Variants in KTN1 observed in about 807,000 individuals in gnomAD.
KTN1 encodes kinectin.
In KTN1, 130 loss-of-function variants were observed where a neutral mutation model predicts 222.5. The ratio of observed to expected loss-of-function variants is 0.58; its 90% CI spans 0.51 to 0.68. KTN1 has a LOEUF of 0.68. KTN1 is among the 30% of genes least tolerant of loss of function. KTN1 has a pLI of 0.00. For missense variants in KTN1, 1,508 were observed against 1,500.4 expected (o/e 1.01, Z -0.08); for synonymous variants, 512 against 496.3 (o/e 1.03, Z -0.42).
chr14:55,606,852 G>C (rs918517833), intron 1 of KTN1, among the ~76,000 whole-genome samples: 1 of 151,952 alleles, frequency 6.6e-6, no homozygotes, highest in African/African-American at 2.4e-5. Context: ...TCATTTTTTA[G>C]GTATCATCTA....
At chr14:55,636,805 T>C (rs1566765412) in intron 10 of KTN1, among the ~76,000 whole-genome samples, 1 of 152,054 alleles carries the variant, frequency 6.6e-6, no homozygotes, top group Non-Finnish European at 1.5e-5. Context: ...GTTTCTTTTC[T>C]GTAGTTATTC....
chr14:55,651,818 T>C (rs2042954774), intron 24 of KTN1, 72 bp from the exon 25 acceptor site: 2 of 979,770 alleles, frequency 2.0e-6, no homozygotes, highest in South Asian at 2.9e-5. Context: ...GTACACATTA[T>C]AAAGACTTAT....
Position 55,657,124 on chromosome 14 carries a change from A to C in KTN1, c.2892+992A>C, listed in dbSNP as rs1289863338. Among the ~76,000 whole-genome samples, 3 of 152,252 alleles carry C rather than the reference A, an allele frequency of 2.0e-5. No individual in the cohort carries two copies. The East Asian group carries it at 5.8e-4, about 29-fold the overall frequency. On this transcript the variant is annotated intron_variant, in intron 29 of 43. Coordinates refer to ENST00000395314, the MANE Select transcript of KTN1 (RefSeq NM_001079521.2). Reference sequence around the variant, plus strand: ...GTCTACCACATTCCTTCTCCCTCTCATGTAGGTTCATTTTAAATTTTGTTA... The same window carrying C: ...GTCTACCACATTCCTTCTCCCTCTCCTGTAGGTTCATTTTAAATTTTGTTA...
rs138543724 is a variant in KTN1, at chr14:55,621,255, A to G, written c.963+1943A>G. ...ATTCAGCAAGTCTCTAGGAAGTTCT[A>G]AACTTTCCCACATCTTCCTGTCTTC... On this transcript the variant is annotated intron_variant, in intron 5 of 43. Coordinates refer to ENST00000395314, the MANE Select transcript of KTN1 (RefSeq NM_001079521.2). 4.3e-3 allele frequency among the ~76,000 whole-genome samples: 647 copies of G among 152,038 alleles called. 2 individuals carry two copies. Among genetic ancestry groups the G allele is most frequent in the Middle Eastern group, 0.017 (5 of 294 alleles).
chr14:55,616,447 C>T (rs2038401388), intron 2 of KTN1, 70 bp from the exon 3 acceptor site: 1 of 1,335,972 alleles, frequency 7.5e-7, no homozygotes, highest in African/African-American at 1.5e-5. Flanking sequence ...GGGAATTACT[C>T]AGTGATTGCA....
At position 55,638,127 on chromosome 14, in the gene KTN1, T is replaced by G. The variant is rs566907521; in HGVS notation, c.1785+280T>G. On this transcript the variant is annotated intron_variant, in intron 12 of 43. Coordinates refer to ENST00000395314, the MANE Select transcript of KTN1 (RefSeq NM_001079521.2). ...CCTGTCACAAAACAAGGAGAGAGAATTGGCCAAATCCTATCTAGAATAGTG... is the reference window on the plus strand; with the variant it reads ...CCTGTCACAAAACAAGGAGAGAGAAGTGGCCAAATCCTATCTAGAATAGTG... Among the ~76,000 whole-genome samples, 5 of 152,078 alleles carry G rather than the reference T, an allele frequency of 3.3e-5. No individual in the cohort carries two copies. The East Asian group carries it at 9.6e-4, about 29-fold the overall frequency.
chr14:55,631,689 G>A (rs920181570), intron 7 of KTN1, among the ~76,000 whole-genome samples: 4 of 152,016 alleles, frequency 2.6e-5, no homozygotes, highest in Non-Finnish European at 4.4e-5. Flanking sequence ...GCTGAGGTGG[G>A]AGGCTTGAGC....
At chr14:55,649,997 AAAAAAAAAAAC>A (rs1283426428) in intron 22 of KTN1, among the ~76,000 whole-genome samples, 184 bp downstream of exon 22, 1 of 150,496 alleles carries the variant, frequency 6.6e-6, no homozygotes, top group Admixed American at 6.6e-5. Flanking sequence ...GTATAATTAA[AAAAAAAAAAAC>A]AAAAAAAAAC....
At chr14:55,616,058 T>C (rs1241107307) in intron 2 of KTN1, among the ~76,000 whole-genome samples, 1 of 151,758 alleles carries the variant, frequency 6.6e-6, no homozygotes, top group Non-Finnish European at 1.5e-5. Context: ...ACTACAGGTG[T>C]GCGCCACCAC....
At chr14:55,634,204 A>G (rs531283918) in intron 8 of KTN1, among the ~76,000 whole-genome samples, 59 of 152,264 alleles carry the variant, frequency 3.9e-4, no homozygotes, top group Non-Finnish European at 7.1e-4. Context: ...AGTACCTTAG[A>G]GAGACTAGTA....
intron 2 of KTN1, among the ~76,000 whole-genome samples, 165 bp from the exon 3 acceptor site, chr14:55,616,352 G>A (rs965760092): frequency 6.6e-6 from 1 of 152,158 alleles, no homozygotes; most frequent in African/African-American, 2.4e-5. Context: ...TTGAAGAGCT[G>A]GTGTAGTGGA....
chr14:55,646,927 T>C, intron 18 of KTN1, 46 bp from the exon 19 acceptor site: 1 of 1,217,220 alleles, frequency 8.2e-7, no homozygotes, highest in Non-Finnish European at 1.2e-6. Context: ...TTTTACTTCA[T>C]GCAAATTTGG....
rs773039190 is a variant in KTN1 at position 55,637,356 on chromosome 14, C to T, written c.1708C>T (p.Gln570Ter). The T allele has an allele frequency of 6.5e-7, 1 of 1,543,384 alleles. No homozygotes were observed. The highest frequency in any genetic ancestry group is 8.7e-7 in the Non-Finnish European group (1 of 1,147,736). Residue 570 changes from glutamine to a stop codon, truncating the protein, a stop_gained, in exon 11 of 44, where the codon CAG becomes TAG. Coordinates refer to ENST00000395314, the MANE Select transcript of KTN1 (RefSeq NM_001079521.2). LOFTEE classifies it high-confidence loss of function. The stretch of plus-strand genomic sequence containing the variant: ...GAACAAAGAAGAGTCTCTACAAATG[C>T]AGGTTCAGGTATTTTTTCTTCTTTT... Reference protein sequence around the residue: ...RVNKEESLQMQVQDILEQNEA... With the variant: ...RVNKEESLQM
At chr14:55,592,187 C>T (rs77599953) in intron 1 of KTN1, among the ~76,000 whole-genome samples, 11,685 of 152,200 alleles carry the variant, frequency 0.077, 497 homozygotes, top group South Asian at 0.12. Flanking sequence ...CTCTACCTCA[C>T]GGTTATGAAG....
At chr14:55,678,785 A>G (rs1310018776) in intron 42 of KTN1, 3 of 252,278 alleles carry the variant, frequency 1.2e-5, no homozygotes, top group African/African-American at 6.7e-5. Context: ...CAGTGGCAGC[A>G]TTAGATTCTC....
chr14:55,670,162 TCTC>T (rs2045318229), intron 34 of KTN1, among the ~76,000 whole-genome samples: 1 of 152,042 alleles, frequency 6.6e-6, no homozygotes, highest in African/African-American at 2.4e-5. Flanking sequence ...GCATATCACT[TCTC>T]ATTAGGATTT....
At chr14:55,663,762 A>C (rs2044398347) in intron 32 of KTN1, 193 bp from the exon 33 acceptor site, 1 of 518,662 alleles carries the variant, frequency 1.9e-6, no homozygotes, top group Admixed American at 3.5e-5. Context: ...AAACATGGAA[A>C]GTGGGCGTCT....
At chr14:55,613,990 T>C (rs7140434) in intron 2 of KTN1, among the ~76,000 whole-genome samples, 1 of 152,216 alleles carries the variant, frequency 6.6e-6, no homozygotes, top group African/African-American at 2.4e-5. Flanking sequence ...TTGAATCGCT[T>C]CATCAAGCAG....
At chr14:55,678,496 T>C (rs1411736848) in intron 42 of KTN1, 52 bp downstream of exon 42, 13 of 1,111,730 alleles carry the variant, frequency 1.2e-5, no homozygotes, top group Non-Finnish European at 1.8e-5. Context: ...TTGTGACCTG[T>C]GTAAAGAACA....
Sources: allele counts gnomAD v4.1 joint callset (sites outside exome capture counted in the v4.1 genomes callset), GRCh38; gene constraint gnomAD v4.1.1; transcripts MANE v1.5; gene names NCBI Gene and HGNC (gene_info 2026-07-23, HGNC 2026-07-21).